The following GPC6 variants were observed in gnomAD, a reference collection of about 807,000 sequenced individuals.
GPC6 encodes glypican 6.
In GPC6, 14 loss-of-function variants were observed where a neutral mutation model predicts 55.2. The ratio of observed to expected loss-of-function variants is 0.25; its 90% confidence interval spans 0.17 to 0.40. The LOEUF (loss-of-function observed/expected upper bound fraction) is 0.40, where lower values mean the gene tolerates loss of function less well. Among genes scored for constraint, GPC6 ranks in the 10% least tolerant of loss-of-function variants. The pLI is 1.00. For synonymous variants in GPC6, 278 were observed against 259.6 expected, an observed-to-expected ratio of 1.07 and a Z score of -0.68; for missense variants, 641 against 708.5, an observed-to-expected ratio of 0.90 and a Z score of 1.08.
At chr13:94,278,609 C>A (rs146022505) in intron 4 of GPC6, among the ~76,000 whole-genome samples, 309 of 152,200 alleles carry the variant, frequency 2.0e-3, no homozygotes, top group African/African-American at 7.0e-3. Flanking sequence ...AGATATGTTC[C>A]ATCAATACCT....
intron 1 of GPC6, among the ~76,000 whole-genome samples, chr13:93,532,426 T>C (rs529325362): frequency 6.6e-6 from 1 of 152,300 alleles, no homozygotes; most frequent in South Asian, 2.1e-4. Flanking sequence ...ATTTTATCGG[T>C]ATAAATTGAA....
At chr13:93,899,648 A>AT (rs779558265) in intron 3 of GPC6, among the ~76,000 whole-genome samples, 3 of 152,102 alleles carry the variant, frequency 2.0e-5, no homozygotes, top group Non-Finnish European at 1.5e-5. Context: ...TGGCAGTACA[A>AT]TTTTAATGAA....
chr13:93,232,410 A>T (rs1397381146), intron 1 of GPC6, among the ~76,000 whole-genome samples: 1 of 152,166 alleles, frequency 6.6e-6, no homozygotes, highest in Non-Finnish European at 1.5e-5. Context: ...CAGGTATCAA[A>T]GCAATCTAAA....
intron 2 of GPC6, among the ~76,000 whole-genome samples, chr13:93,652,783 A>G (rs961149499): frequency 6.6e-6 from 1 of 152,114 alleles, no homozygotes; most frequent in Non-Finnish European, 1.5e-5. Context: ...AACAAAATGG[A>G]TATTTTTGTT....
intron 3 of GPC6, among the ~76,000 whole-genome samples, chr13:93,902,189 C>T (rs1254514771): frequency 1.3e-5 from 2 of 152,098 alleles, no homozygotes; most frequent in Non-Finnish European, 2.9e-5. Flanking sequence ...TAACTTTGCA[C>T]CCATTGACCA....
intron 1 of GPC6, among the ~76,000 whole-genome samples, chr13:93,495,232 C>CT (rs1880214951): frequency 6.9e-6 from 1 of 144,058 alleles, no homozygotes; most frequent in Non-Finnish European, 1.5e-5. Context: ...TCTTTTTATT[C>CT]TTTTTTCTCT....
intron 4 of GPC6, among the ~76,000 whole-genome samples, chr13:94,061,538 G>T (rs987764361): frequency 1.3e-4 from 20 of 152,046 alleles, no homozygotes; most frequent in Admixed American, 2.6e-4. Flanking sequence ...CACATGGTTA[G>T]CAGAGGATGA....
At chr13:93,510,618 A>T (rs1476550627) in intron 1 of GPC6, among the ~76,000 whole-genome samples, 1 of 152,044 alleles carries the variant, frequency 6.6e-6, no homozygotes, top group Non-Finnish European at 1.5e-5. Context: ...TGCAAGAAAC[A>T]TGCAAATGCA....
Position 93,651,749 on chromosome 13 carries a change from G to A in GPC6, c.319+106328G>A, listed in dbSNP as rs537960137. 2.0e-5 allele frequency among the ~76,000 whole-genome samples: 3 copies of A among 152,186 alleles called. 1 individual carries two copies. The South Asian group carries it at 6.2e-4, about 32-fold the overall frequency. ...ATCCTTGCTTCACCAGCTCAGGCAA[G>A]GTATGTTGCTCCACAAGCCTGCAAA... is the stretch of plus-strand genomic sequence containing the variant. On this transcript the variant is annotated intron_variant, in intron 2 of 8. Coordinates refer to ENST00000377047, the MANE Select transcript of GPC6 (RefSeq NM_005708.5).
At chr13:93,303,230 T>G (rs1173200460) in intron 1 of GPC6, among the ~76,000 whole-genome samples, 3 of 152,170 alleles carry the variant, frequency 2.0e-5, no homozygotes, top group Non-Finnish European at 4.4e-5. Context: ...AAAATTTTAC[T>G]GTCCCTCAGT....
intron 1 of GPC6, among the ~76,000 whole-genome samples, chr13:93,399,654 G>GA (rs1875997115): frequency 1.3e-5 from 2 of 152,226 alleles, no homozygotes; most frequent in South Asian, 4.1e-4. Context: ...TACACAGGAA[G>GA]AATGAATTTC....
At chr13:94,278,122 T>A (rs1188456117) in intron 4 of GPC6, among the ~76,000 whole-genome samples, 2 of 152,212 alleles carry the variant, frequency 1.3e-5, no homozygotes, top group Non-Finnish European at 2.9e-5. Context: ...TGAGCAGTGG[T>A]TTGTAGTTCT....
chr13:93,640,679 T>C (rs1879875468), intron 2 of GPC6, among the ~76,000 whole-genome samples: 2 of 149,712 alleles, frequency 1.3e-5, no homozygotes, highest in Admixed American at 6.7e-5. Context: ...TTTTTCTCCC[T>C]CCCTCCCCGC....
intron 3 of GPC6, among the ~76,000 whole-genome samples, chr13:93,985,650 C>G (rs1278735420): frequency 1.5e-5 from 2 of 131,950 alleles, no homozygotes; most frequent in African/African-American, 2.8e-5. Context: ...CATAATTGTG[C>G]CACTGCACTC....
At chr13:93,722,219 A>C (rs1241145323) in intron 2 of GPC6, among the ~76,000 whole-genome samples, 2 of 151,796 alleles carry the variant, frequency 1.3e-5, no homozygotes, top group Non-Finnish European at 2.9e-5. Context: ...TCATGCCTGA[A>C]TATTTTTATA....
At chr13:94,036,557 C>G (rs1375059447) in intron 4 of GPC6, among the ~76,000 whole-genome samples, 1 of 151,960 alleles carries the variant, frequency 6.6e-6, no homozygotes, top group Non-Finnish European at 1.5e-5. Flanking sequence ...ATATTCACCA[C>G]TAAAATCTCA....
intron 1 of GPC6, among the ~76,000 whole-genome samples, chr13:93,528,742 G>A (rs1881750181): frequency 6.6e-6 from 1 of 152,134 alleles, no homozygotes; most frequent in Non-Finnish European, 1.5e-5. Context: ...TCTTGAGTTA[G>A]CGATTAGCCT....
intron 1 of GPC6, among the ~76,000 whole-genome samples, chr13:93,449,934 T>C (rs1878163206): frequency 6.6e-6 from 1 of 152,130 alleles, no homozygotes; most frequent in Admixed American, 6.6e-5. Flanking sequence ...TCTTTTTTTT[T>C]TCTTTGAGAC....
chr13:94,290,012 T>C (rs2139090875), intron 5 of GPC6, among the ~76,000 whole-genome samples: 1 of 152,246 alleles, frequency 6.6e-6, no homozygotes, highest in South Asian at 2.1e-4. Context: ...TTCCCCACTA[T>C]GTTGATGTTT....
Sources: gnomAD v4.1 joint callset for allele counts (sites outside exome capture counted in the v4.1 genomes callset) on GRCh38, gnomAD v4.1.1 for gene constraint, MANE v1.5 for transcripts, NCBI Gene and HGNC (gene_info 2026-07-23, HGNC 2026-07-21) for gene names.